VPS13B: variants seen among roughly 807,000 people sequenced by gnomAD.
The protein encoded by VPS13B is vacuolar protein sorting 13 homolog B, also known as intermembrane lipid transfer protein VPS13B.
VPS13B carries 285 observed loss-of-function variants against 426.4 expected under a neutral mutation model. That is an observed-to-expected ratio of 0.67 (90% CI 0.61 to 0.74). The LOEUF is 0.74. Among genes scored for constraint, VPS13B ranks in the 30% least tolerant of loss-of-function variants. VPS13B has a pLI of 0.00. For missense variants in VPS13B, 4,537 were observed against 4,782.6 expected, an observed-to-expected ratio of 0.95 and a Z score of 1.51; for synonymous variants, 1,676 against 1,676.4, an observed-to-expected ratio of 1.00 and a Z score of 0.01.
chr8:99,560,834 T>G (rs988892186), intron 31 of VPS13B, among the ~76,000 whole-genome samples: 1 of 152,226 alleles, frequency 6.6e-6, no homozygotes, highest in Admixed American at 6.5e-5. Context: ...TTTTCAGATT[T>G]AGGAGGTGCC....
At chr8:99,061,364 T>C (rs1844182532) in intron 3 of VPS13B, among the ~76,000 whole-genome samples, 1 of 148,072 alleles carries the variant, frequency 6.8e-6, no homozygotes, top group Non-Finnish European at 1.5e-5. Context: ...AGATGTCTGG[T>C]ATTTAGAAAC....
At chr8:99,711,449 C>T (rs193056808) in intron 36 of VPS13B, among the ~76,000 whole-genome samples, 127 of 152,242 alleles carry the variant, frequency 8.3e-4, no homozygotes, top group African/African-American at 2.9e-3. Context: ...TTCTCAGTGT[C>T]ATTTGTGTAT....
intron 3 of VPS13B, among the ~76,000 whole-genome samples, chr8:99,087,631 A>G (rs1004719367): frequency 2.6e-5 from 3 of 114,098 alleles, no homozygotes; most frequent in African/African-American, 1.1e-4. Flanking sequence ...TTTTTTTTTT[A>G]TAGACTGGGT....
intron 33 of VPS13B, among the ~76,000 whole-genome samples, chr8:99,583,781 A>G (rs1826184239): frequency 6.6e-6 from 1 of 152,172 alleles, no homozygotes; most frequent in Admixed American, 6.5e-5. Flanking sequence ...GAGGAAATGA[A>G]TAACCAAAAT....
intron 34 of VPS13B, among the ~76,000 whole-genome samples, chr8:99,647,929 G>T (rs1829659147): frequency 6.6e-6 from 1 of 152,140 alleles, no homozygotes; most frequent in Non-Finnish European, 1.5e-5. Context: ...CAACTATAAT[G>T]AAGAGCCCAA....
In VPS13B at chr8:99,781,477, T is replaced by C. The variant is rs143557241; in HGVS notation, c.7779+2446T>C. 4.0e-3 allele frequency among the ~76,000 whole-genome samples: 615 copies of C among 152,294 alleles called. 2 individuals carry two copies. Among genetic ancestry groups the C allele is most frequent in the African/African-American group, 0.014 (590 of 41,564 alleles). On this transcript the variant is annotated intron_variant, in intron 42 of 61. Coordinates refer to ENST00000357162, the MANE Select transcript of VPS13B (RefSeq NM_152564.5). ...TGAGCATTCTGAGGCTCAACATCTA[T>C]GATGTGACGTCAAATACATGTGAAC...
At chr8:99,063,185 A>G (rs770886612) in intron 3 of VPS13B, among the ~76,000 whole-genome samples, 1 of 152,176 alleles carries the variant, frequency 6.6e-6, no homozygotes, top group Admixed American at 6.5e-5. Context: ...TGCATTTCCA[A>G]CTGAGGTACC....
At chr8:99,155,604 TTTAAAA>T (rs1406589991) in intron 14 of VPS13B, among the ~76,000 whole-genome samples, 1 of 152,206 alleles carries the variant, frequency 6.6e-6, no homozygotes, top group Non-Finnish European at 1.5e-5. Flanking sequence ...AAATGGTGGT[TTTAAAA>T]TTATTAGTAA....
At chr8:99,318,540 G>C (rs1055979397) in intron 19 of VPS13B, among the ~76,000 whole-genome samples, 1 of 151,764 alleles carries the variant, frequency 6.6e-6, no homozygotes, top group Non-Finnish European at 1.5e-5. Context: ...TTATTTTTGG[G>C]ATGGAGTCTC....
intron 31 of VPS13B, among the ~76,000 whole-genome samples, chr8:99,568,803 T>C (rs375840687): frequency 6.6e-6 from 1 of 151,312 alleles, no homozygotes; most frequent in East Asian, 1.9e-4. Context: ...CCACAAGTTT[T>C]TTTTTGTTTT....
chr8:99,675,515 C>T (rs1021554617), intron 35 of VPS13B, among the ~76,000 whole-genome samples: 3 of 152,112 alleles, frequency 2.0e-5, no homozygotes, highest in African/African-American at 7.2e-5. Context: ...AAGGGTTCTG[C>T]TGTTCTTTAT....
At position 99,130,888 on chromosome 8, in the gene VPS13B, G is replaced by A. The variant is rs142258001; in HGVS notation, c.1207-3744G>A. ...TACATAAAAATATAAAATATAAAAA[G>A]CTTTATTATAAAGAATGAGAATAAT... On this transcript the variant is annotated intron_variant, in intron 8 of 61. Coordinates refer to ENST00000357162, the MANE Select transcript of VPS13B (RefSeq NM_152564.5). Among the ~76,000 whole-genome samples the A allele has an allele frequency of 7.8e-3, 1,179 of 152,088 alleles. 11 individuals carry two copies. The highest frequency in any genetic ancestry group is 0.012 in the Non-Finnish European group (785 of 67,986).
At chr8:99,620,789 T>C (rs1240396259) in intron 33 of VPS13B, among the ~76,000 whole-genome samples, 2 of 151,362 alleles carry the variant, frequency 1.3e-5, no homozygotes, top group Non-Finnish European at 2.9e-5. Context: ...CTGGCTAACC[T>C]AGTGAAACCC....
At chr8:99,579,619 C>A (rs1563807121) in intron 33 of VPS13B, among the ~76,000 whole-genome samples, 1 of 151,562 alleles carries the variant, frequency 6.6e-6, no homozygotes, top group Non-Finnish European at 1.5e-5. Flanking sequence ...AGGCTGGTCT[C>A]CAACTCGTGA....
At chr8:99,042,882 G>A (rs929427472) in intron 3 of VPS13B, among the ~76,000 whole-genome samples, 1 of 152,174 alleles carries the variant, frequency 6.6e-6, no homozygotes, top group Non-Finnish European at 1.5e-5. Flanking sequence ...GGCATTTTAT[G>A]TCAACTCTTT....
At chr8:99,445,463 T>C (rs1018906446) in intron 23 of VPS13B, among the ~76,000 whole-genome samples, 59 of 149,432 alleles carry the variant, frequency 3.9e-4, no homozygotes, top group Non-Finnish European at 7.3e-4. Flanking sequence ...AGACCCTGAC[T>C]CTGTAAATTA....
At chr8:99,846,788 G>A (rs1816008521) in intron 54 of VPS13B, among the ~76,000 whole-genome samples, 1 of 152,200 alleles carries the variant, frequency 6.6e-6, no homozygotes, top group South Asian at 2.1e-4. Context: ...TATTATCTTA[G>A]AAAGTGTAAG....
chr8:99,298,497 ATAAAT>A (rs1031913545), intron 19 of VPS13B, among the ~76,000 whole-genome samples: 4 of 152,134 alleles, frequency 2.6e-5, no homozygotes, highest in African/African-American at 7.2e-5. Context: ...CTCAAAATAA[ATAAAT>A]TAATTAATTA....
At chr8:99,098,211 C>T (rs1041283772) in intron 4 of VPS13B, among the ~76,000 whole-genome samples, 16 of 152,126 alleles carry the variant, frequency 1.1e-4, no homozygotes, top group African/African-American at 3.9e-4. Context: ...AGTAGCTGCT[C>T]CATACATTCT....
Sources: gnomAD v4.1 joint callset for allele counts (sites outside exome capture counted in the v4.1 genomes callset) on GRCh38, gnomAD v4.1.1 for gene constraint, MANE v1.5 for transcripts, NCBI Gene and HGNC (gene_info 2026-07-23, HGNC 2026-07-21) for gene names.